The following CNTN5 variants were observed in gnomAD, a reference collection of about 807,000 sequenced individuals.
CNTN5 encodes the protein contactin-5.
Under a neutral mutation model 129.1 loss-of-function variants are expected in CNTN5, and 77 were observed. The observed-to-expected ratio is 0.60, with a 90% CI of 0.50 to 0.72. The LOEUF (loss-of-function observed/expected upper bound fraction) is 0.72, where lower values mean the gene tolerates loss of function less well. Among genes scored for constraint, CNTN5 ranks in the 30% least tolerant of loss-of-function variants. The pLI, the probability that CNTN5 is intolerant of heterozygous loss-of-function variation, is 0.00. For missense variants in CNTN5, 1,478 were observed against 1,328.8 expected, an observed-to-expected ratio of 1.11 and a Z score of -1.75; for synonymous variants, 509 against 465.6, an observed-to-expected ratio of 1.09 and a Z score of -1.20.
At chr11:100,001,991 G>A (rs778486111) in intron 8 of CNTN5, 43 bp from the exon 9 acceptor site, 3 of 1,316,556 alleles carry the variant, frequency 2.3e-6, no homozygotes, top group East Asian at 2.5e-5. Flanking sequence ...GAAACAAATT[G>A]TAACATTCAT....
chr11:99,092,721 A>G (rs1866304507), intron 1 of CNTN5, among the ~76,000 whole-genome samples: 1 of 152,070 alleles, frequency 6.6e-6, no homozygotes, highest in South Asian at 2.1e-4. Context: ...TATATTACTG[A>G]ATAAAGTAAG....
chr11:99,132,611 C>T (rs1016412061), intron 1 of CNTN5, among the ~76,000 whole-genome samples: 2 of 152,000 alleles, frequency 1.3e-5, no homozygotes, highest in Admixed American at 6.6e-5. Context: ...ACACCAACAA[C>T]AGGCAAGCAG....
chr11:99,948,034 A>C (rs1164673310), intron 7 of CNTN5, among the ~76,000 whole-genome samples: 1 of 152,222 alleles, frequency 6.6e-6, no homozygotes, highest in Non-Finnish European at 1.5e-5. Flanking sequence ...CAGGAATATA[A>C]GAAAACTTTA....
At chr11:100,335,995 C>A (rs961416327) in intron 21 of CNTN5, among the ~76,000 whole-genome samples, 2 of 151,980 alleles carry the variant, frequency 1.3e-5, no homozygotes, top group Non-Finnish European at 2.9e-5. Context: ...TATCAAGAAA[C>A]AATGGCTCAA....
At chr11:99,861,678 T>G (rs928482210) in intron 6 of CNTN5, among the ~76,000 whole-genome samples, 3 of 152,170 alleles carry the variant, frequency 2.0e-5, no homozygotes, top group Non-Finnish European at 4.4e-5. Flanking sequence ...AAGGGGAACA[T>G]CAAGACTGTG....
chr11:99,183,135 C>A (rs552456309), intron 1 of CNTN5, among the ~76,000 whole-genome samples: 5 of 152,238 alleles, frequency 3.3e-5, no homozygotes, highest in African/African-American at 9.6e-5. Context: ...AGGTTTTAAT[C>A]TCACCAATAT....
At chr11:99,562,529 T>A (rs1394288614) in intron 3 of CNTN5, among the ~76,000 whole-genome samples, 1 of 152,130 alleles carries the variant, frequency 6.6e-6, no homozygotes, top group Non-Finnish European at 1.5e-5. Context: ...TGGTACATGT[T>A]TCATACTACC....
chr11:99,161,062 G>A (rs367927365), intron 1 of CNTN5, among the ~76,000 whole-genome samples: 7 of 152,050 alleles, frequency 4.6e-5, no homozygotes, highest in Admixed American at 3.9e-4. Flanking sequence ...AGTGGACCAC[G>A]GAGGGAACAC....
chr11:99,300,315 A>G (rs182723192), intron 1 of CNTN5, among the ~76,000 whole-genome samples: 6 of 152,062 alleles, frequency 3.9e-5, no homozygotes, highest in Admixed American at 1.3e-4. Flanking sequence ...GTTTGTTGAT[A>G]ATTTTTATCA....
intron 3 of CNTN5, among the ~76,000 whole-genome samples, chr11:99,712,226 C>A (rs1457103429): frequency 2.0e-5 from 3 of 152,074 alleles, no homozygotes; most frequent in Non-Finnish European, 4.4e-5. Flanking sequence ...TCTCTAATGA[C>A]CAGTGATGAT....
At chr11:100,072,990 C>CAAAAA (rs61042118) in intron 12 of CNTN5, among the ~76,000 whole-genome samples, 1,505 of 78,880 alleles carry the variant, frequency 0.019, 100 homozygotes, top group East Asian at 0.026. Flanking sequence ...TCCCAGGAGG[C>CAAAAA]AAAAAAAAAA....
chr11:99,555,050 T>C (rs1418575730), intron 2 of CNTN5, among the ~76,000 whole-genome samples: 1 of 150,274 alleles, frequency 6.7e-6, no homozygotes, highest in Non-Finnish European at 1.5e-5. Flanking sequence ...AAGACTTATA[T>C]TTAAAATTAT....
chr11:99,191,675 C>A (rs1375007926), intron 1 of CNTN5, among the ~76,000 whole-genome samples: 1 of 151,564 alleles, frequency 6.6e-6, no homozygotes, highest in Non-Finnish European at 1.5e-5. Flanking sequence ...TGAGAAAATT[C>A]ACAAATACAT....
intron 2 of CNTN5, among the ~76,000 whole-genome samples, chr11:99,331,223 G>C (rs1428254323): frequency 2.0e-5 from 3 of 152,080 alleles, no homozygotes; most frequent in Admixed American, 6.6e-5. Flanking sequence ...AACATTTTCT[G>C]CCTCTATGAA....
At chr11:100,007,633 C>T (rs1339189123) in intron 9 of CNTN5, among the ~76,000 whole-genome samples, 1 of 152,050 alleles carries the variant, frequency 6.6e-6, no homozygotes, top group Admixed American at 6.6e-5. Flanking sequence ...ACATTTAGGG[C>T]CTTTCTGTGA....
At chr11:99,075,255 T>A (rs1393827891) in intron 1 of CNTN5, among the ~76,000 whole-genome samples, 1 of 152,180 alleles carries the variant, frequency 6.6e-6, no homozygotes, top group Non-Finnish European at 1.5e-5. Flanking sequence ...GTCAATATGA[T>A]TTATTTATTT....
chr11:99,099,787 T>A (rs1431771228), intron 1 of CNTN5, among the ~76,000 whole-genome samples: 1 of 152,208 alleles, frequency 6.6e-6, no homozygotes, highest in Non-Finnish European at 1.5e-5. Context: ...ACACAATACG[T>A]ATAAATCACT....
At chr11:100,166,942 T>G (rs1947656798) in intron 13 of CNTN5, among the ~76,000 whole-genome samples, 1 of 151,812 alleles carries the variant, frequency 6.6e-6, no homozygotes, top group African/African-American at 2.4e-5. Flanking sequence ...TGAAAGAAAT[T>G]GCCTGTAAGT....
chr11:99,920,458 C>G (rs1949909404), intron 7 of CNTN5, among the ~76,000 whole-genome samples: 1 of 152,144 alleles, frequency 6.6e-6, no homozygotes, highest in East Asian at 1.9e-4. Flanking sequence ...AACTGCCTAT[C>G]AGTATTTGGC....
Sources: gnomAD v4.1 joint callset for allele counts (sites outside exome capture counted in the v4.1 genomes callset) on GRCh38, gnomAD v4.1.1 for gene constraint, MANE v1.5 for transcripts, NCBI Gene and HGNC (gene_info 2026-07-23, HGNC 2026-07-21) for gene names.